HERC1: variants seen among roughly 807,000 people sequenced by gnomAD.
The protein encoded by HERC1 is HECT and RLD domain containing E3 ubiquitin protein ligase family member 1.
Under a neutral mutation model 554.3 loss-of-function variants are expected in HERC1, and 160 were observed. The ratio of observed to expected loss-of-function variants is 0.29; its 90% confidence interval spans 0.25 to 0.33. The LOEUF (loss-of-function observed/expected upper bound fraction) is 0.33. Among genes scored for constraint, HERC1 ranks in the 10% least tolerant of loss-of-function variants. The pLI is 1.00. For synonymous variants in HERC1, 2,175 were observed against 2,131.7 expected (o/e 1.02, Z -0.56); for missense variants, 4,919 against 5,918.5 (o/e 0.83, Z 5.54).
Position 63,615,920 on chromosome 15 carries a change from T to A in HERC1, c.13942A>T (p.Met4648Leu). ...CCAACAAAAGAATCAAGAGGAATCATCTAGGAACAGAAGAAAACAGAATTT... is the reference window on the plus strand; with the variant it reads ...CCAACAAAAGAATCAAGAGGAATCAACTAGGAACAGAAGAAAACAGAATTT... ...SGITEESFHE[M>L]IPLDSFVGQS... Residue 4648 changes from methionine to leucine, a missense_variant and splice_region_variant, in exon 76 of 78, where the codon ATG (methionine) becomes TTG (leucine). Physicochemically the swap from Met to Leu is conservative, Grantham distance 15. Transcript: ENST00000443617. 1 of 1,584,478 alleles carries A rather than the reference T, an allele frequency of 6.3e-7. No homozygotes were observed. The highest frequency in any genetic ancestry group is 1.2e-5 in the South Asian group (1 of 84,668).
intron 25 of HERC1, 111 bp from the exon 26 acceptor site, chr15:63,699,107 C>T (rs2072583272): frequency 2.1e-6 from 2 of 957,278 alleles, no homozygotes; most frequent in Admixed American, 2.3e-5. Flanking sequence ...AAAATGGATA[C>T]TCATGTTTGA....
At chr15:63,809,761 C>G (rs2077243493) in intron 1 of HERC1, among the ~76,000 whole-genome samples, 1 of 150,050 alleles carries the variant, frequency 6.7e-6, no homozygotes, top group Non-Finnish European at 1.5e-5. Flanking sequence ...AAGAAATATC[C>G]TATTCATTGC....
At position 63,674,519 on chromosome 15, in the gene HERC1, C is replaced by T. The variant is rs781328698; in HGVS notation, c.7669G>A (p.Val2557Met). The T allele has an allele frequency of 6.2e-6, 10 of 1,613,580 alleles. No homozygotes were observed. Among genetic ancestry groups the T allele is most frequent in the South Asian group, 5.5e-5 (5 of 91,028 alleles). The stretch of plus-strand genomic sequence containing the variant: ...AACTGCAGGGCTGCTCGCATCTCCA[C>T]GTCTTCATGAACAACTGGAGAACTT... ...CASSPVVHED[V>M]EMRAALQFLM... Residue 2557 changes from valine (V) to methionine (M), a missense_variant, in exon 38 of 78, where the codon GTG becomes ATG. Val to Met is a conservative substitution (Grantham distance 21, BLOSUM62 1). Transcript: ENST00000443617.
rs1470922763 is a variant in HERC1, at chr15:63,832,119, A to G, written c.-27+1708T>C. On this transcript the variant is annotated intron_variant, in intron 1 of 77. Transcript: ENST00000443617. ...GGCTCCAGATTTCCAACCTCCCTAG[A>G]TATCTCATTCTGCCATACAACCTTG... 2.6e-5 allele frequency among the ~76,000 whole-genome samples: 4 copies of G among 152,316 alleles called. 1 individual carries two copies. In the East Asian group the frequency reaches 5.8e-4, roughly 22 times the overall value.
chr15:63,755,349 G>A (rs754280170), intron 5 of HERC1, 24 bp from the exon 6 acceptor site: 14 of 1,518,114 alleles, frequency 9.2e-6, no homozygotes, highest in East Asian at 6.8e-5. Flanking sequence ...AAGTAAATAC[G>A]ATGAGTATGC....
chr15:63,693,388 C>T (rs905747202), intron 30 of HERC1, among the ~76,000 whole-genome samples: 10 of 151,908 alleles, frequency 6.6e-5, no homozygotes, highest in African/African-American at 2.4e-4. Flanking sequence ...GCACTACAGG[C>T]ATGCGTCACC....
intron 38 of HERC1, among the ~76,000 whole-genome samples, chr15:63,673,780 A>C (rs1463559005): frequency 1.3e-5 from 2 of 152,246 alleles, no homozygotes; most frequent in African/African-American, 4.8e-5. Context: ...GCTTGAGTGC[A>C]GTGGCACAAT....
intron 3 of HERC1, among the ~76,000 whole-genome samples, chr15:63,759,151 C>T (rs751952576): frequency 1.1e-4 from 17 of 151,916 alleles, no homozygotes; most frequent in Non-Finnish European, 1.9e-4. Flanking sequence ...AAATGGGACT[C>T]GGAATTCAAA....
At chr15:63,742,847 GGTTT>G (rs1442293346) in intron 12 of HERC1, among the ~76,000 whole-genome samples, 1 of 152,056 alleles carries the variant, frequency 6.6e-6, no homozygotes, top group African/African-American at 2.4e-5. Context: ...TGCTGGATTT[GGTTT>G]GTTAGTAGTT....
rs750958167 is a variant in HERC1 at position 63,727,636 on chromosome 15, T to C, written c.3346+11A>G. 75 of 1,596,486 alleles carry C rather than the reference T, an allele frequency of 4.7e-5. No individual in the cohort carries two copies. In the South Asian group the frequency reaches 8.2e-4, roughly 17 times the overall value. On this transcript the variant is annotated intron_variant, in intron 17 of 77. Coordinates refer to ENST00000443617, the MANE Select transcript of HERC1 (RefSeq NM_003922.4). This position sits in a 1 kb window ranked among gnomAD's most constrained non-coding sequence, Gnocchi z 4.3. ...AAAGGCATTATTTGCTCTTTTATTG[T>C]CTTTACTTACCATGAAGAGGCCACT...
Position 63,747,102 on chromosome 15 carries a change from C to T in HERC1, c.2355-19G>A, listed in dbSNP as rs2075081209. The T allele has an allele frequency of 1.3e-6, 2 of 1,582,570 alleles. No individual in the cohort carries two copies. The highest frequency in any genetic ancestry group is 4.6e-5 in the East Asian group (2 of 43,502). On this transcript the variant is annotated intron_variant, in intron 11 of 77. Transcript: ENST00000443617. ...GTGTTCTCTGAAACCAAATAAACGT[C>T]TATGAATTCTCGGATCATAAAAGTG...
chr15:63,621,892 T>C (rs947005713), intron 74 of HERC1, among the ~76,000 whole-genome samples: 2 of 152,194 alleles, frequency 1.3e-5, no homozygotes, highest in African/African-American at 4.8e-5. Flanking sequence ...GCCATTCGTC[T>C]AATTTTTTTT....
chr15:63,773,895 A>G (rs550657276), intron 2 of HERC1, among the ~76,000 whole-genome samples: 87 of 152,308 alleles, frequency 5.7e-4, no homozygotes, highest in African/African-American at 2.0e-3. Flanking sequence ...TCACAAAGGT[A>G]TATTTCAGTC....
chr15:63,738,026 T>C (rs190895867), intron 12 of HERC1, among the ~76,000 whole-genome samples: 43 of 152,322 alleles, frequency 2.8e-4, no homozygotes, highest in African/African-American at 1.0e-3. Context: ...CAGAAGCTAC[T>C]GATGGATGAA....
intron 2 of HERC1, among the ~76,000 whole-genome samples, chr15:63,772,342 A>G (rs1317847336): frequency 6.6e-6 from 1 of 152,080 alleles, no homozygotes; most frequent in African/African-American, 2.4e-5. Context: ...ATTTTGTTCA[A>G]ACACACCATT....
At chr15:63,791,659 G>A (rs2076657063) in intron 1 of HERC1, among the ~76,000 whole-genome samples, 1 of 152,130 alleles carries the variant, frequency 6.6e-6, no homozygotes, top group Non-Finnish European at 1.5e-5. Flanking sequence ...GCAAATCCAG[G>A]TTCCTTCAGT....
At chr15:63,821,726 C>CAAAAA (rs35074987) in intron 1 of HERC1, among the ~76,000 whole-genome samples, 4 of 62,468 alleles carry the variant, frequency 6.4e-5, no homozygotes, top group African/African-American at 2.1e-4. Flanking sequence ...TACCCTGTCT[C>CAAAAA]AAAAAAAAAA....
rs1472330198 is a variant in HERC1 at position 63,659,738 on chromosome 15, A to G, written c.9422T>C (p.Ile3141Thr). The G allele has an allele frequency of 6.2e-7, 1 of 1,610,746 alleles. No homozygotes were observed. Among genetic ancestry groups the G allele is most frequent in the Non-Finnish European group, 8.5e-7 (1 of 1,177,146 alleles). Residue 3141 changes from isoleucine (I) to threonine (T), a missense_variant and splice_region_variant, in exon 47 of 78, where the codon ATA becomes ACA. By Grantham distance (89) the Ile-to-Thr change is moderately conservative (BLOSUM62 -1). Transcript: ENST00000443617. ...TGCAAATCAGGATTTCAGTTTACCT[A>G]TTTGCATCAGAGTCTCTTCCATACT... The part of the protein sequence containing the change: ...TNSMEETLMQ[I>T]GCHGSVEKSS...
rs756920435 is a variant in HERC1, at chr15:63,634,824, T to C, written c.12479A>G (p.Asn4160Ser). Residue 4160 changes from asparagine (N) to serine (S), a missense_variant, in exon 66 of 78, where the codon AAT (asparagine) becomes AGT (serine). Asn to Ser is a conservative substitution (Grantham distance 46). Coordinates refer to ENST00000443617, the MANE Select transcript of HERC1 (RefSeq NM_003922.4). Reference sequence around the variant, plus strand: ...AAGACCCAGACGACCATAGTCACCATTCCCAAAGGTGAACAGTTTGCCATC... The same window carrying C: ...AAGACCCAGACGACCATAGTCACCACTCCCAAAGGTGAACAGTTTGCCATC... ...TSDGKLFTFG[N>S]GDYGRLGLGN... The C allele has an allele frequency of 6.8e-6, 11 of 1,613,282 alleles. No homozygotes were observed. The highest frequency in any genetic ancestry group is 2.7e-5 in the African/African-American group (2 of 74,908).
Sources: gnomAD v4.1 joint callset for allele counts (sites outside exome capture counted in the v4.1 genomes callset) on GRCh38, gnomAD v4.1.1 for gene constraint, Gnocchi (gnomAD v3.1) non-coding constraint, MANE v1.5 for transcripts, NCBI Gene and HGNC (gene_info 2026-07-23, HGNC 2026-07-21) for gene names.